Variants in HERC5 observed in about 807,000 individuals in gnomAD.
HERC5 encodes the protein HECT and RLD domain containing E3 ubiquitin protein ligase 5.
Under a neutral mutation model 119.6 loss-of-function variants are expected in HERC5, and 99 were observed. The ratio of observed to expected loss-of-function variants is 0.83; its 90% CI spans 0.70 to 0.98. The LOEUF is 0.98. HERC5 is among the 50% of genes least tolerant of loss of function. The probability of loss-of-function intolerance (pLI) is 0.00; values close to 1 mark genes in which losing one functional copy is unlikely to be tolerated. For synonymous variants in HERC5, 478 were observed against 445.9 expected (o/e 1.07, Z -0.91); for missense variants, 1,267 against 1,241.3 (o/e 1.02, Z -0.31).
chr4:88,463,949 T>A lies in HERC5; in HGVS notation c.875T>A (p.Leu292His). ...CTAAGACCCTGTTTGGTGGCTGAGCTTGTTGGGTATAGAGTGACTCAGATA... is the reference window on the plus strand; with the variant it reads ...CTAAGACCCTGTTTGGTGGCTGAGCATGTTGGGTATAGAGTGACTCAGATA... Reference protein sequence around the residue: ...NELRPCLVAELVGYRVTQIAC... With the variant: ...NELRPCLVAEHVGYRVTQIAC... Residue 292 changes from leucine (L) to histidine (H), a missense_variant, in exon 6 of 23, where the codon CTT becomes CAT. Leu to His is a moderately conservative substitution (Grantham distance 99, BLOSUM62 -3). Around this residue, in one of 3 missense-constraint regions of HERC5, gnomAD observed 777 missense variants for 758.0 expected, o/e 1.03. Transcript: ENST00000264350. 1 of 1,614,006 alleles carries A rather than the reference T, an allele frequency of 6.2e-7. No homozygotes were observed. Among genetic ancestry groups the A allele is most frequent in the Non-Finnish European group, 8.5e-7 (1 of 1,179,988 alleles).
intron 20 of HERC5, among the ~76,000 whole-genome samples, chr4:88,502,501 G>T (rs1203682579): frequency 2.0e-5 from 3 of 152,140 alleles, no homozygotes; most frequent in Admixed American, 1.3e-4. Context: ...GCATGCGTGG[G>T]GAAATTTAAG....
chr4:88,479,967 T>C (rs1317167334), intron 13 of HERC5, among the ~76,000 whole-genome samples: 2 of 149,834 alleles, frequency 1.3e-5, no homozygotes, highest in African/African-American at 4.9e-5. Context: ...CTCGGGAGGC[T>C]GAGGCAGGAG....
At chr4:88,484,440 G>A (rs1372474931) in intron 13 of HERC5, among the ~76,000 whole-genome samples, 1 of 152,206 alleles carries the variant, frequency 6.6e-6, no homozygotes, top group Admixed American at 6.5e-5. Context: ...CAGGCTCCTA[G>A]AGATACCACC....
At chr4:88,468,295 G>C in intron 7 of HERC5, 51 bp from the exon 8 acceptor site, 1 of 1,297,420 alleles carries the variant, frequency 7.7e-7, no homozygotes, top group Non-Finnish European at 1.1e-6. Context: ...GAACATGCAT[G>C]TTTGTGCCAA....
Position 88,464,057 on chromosome 4 carries a change from C to G in HERC5, c.911+72C>G, listed in dbSNP as rs140660520. On this transcript the variant is annotated intron_variant, in intron 6 of 22. Coordinates refer to ENST00000264350, the MANE Select transcript of HERC5 (RefSeq NM_016323.4). The stretch of plus-strand genomic sequence containing the variant: ...ACTAGATAGTAATTTAATAAAATTT[C>G]TTTCAGTTTCTTTGAGATGTATCAA... 4.7e-4 allele frequency: 620 copies of G among 1,322,074 alleles called. 1 individual carries two copies. In the African/African-American group the frequency reaches 8.3e-3, roughly 18 times the overall value. 81.9% of individuals were successfully genotyped at this position (1,322,074 alleles called of 1,614,324 possible).
intron 5 of HERC5, 63 bp downstream of exon 5, chr4:88,463,686 G>C: frequency 6.8e-7 from 1 of 1,462,594 alleles, no homozygotes; most frequent in Non-Finnish European, 9.5e-7. Context: ...TGGGAAGTTA[G>C]TGTTTCCCAG....
intron 18 of HERC5, among the ~76,000 whole-genome samples, chr4:88,499,311 G>C (rs1741884987): frequency 6.6e-6 from 1 of 152,182 alleles, no homozygotes; most frequent in Non-Finnish European, 1.5e-5. Flanking sequence ...GAGTGAATGA[G>C]CAAATACAAT....
In HERC5 at chr4:88,460,129, C is replaced by T; in HGVS notation, c.424C>T (p.Gln142Ter). The T allele has an allele frequency of 6.3e-7, 1 of 1,586,746 alleles. No homozygotes were observed. The highest frequency in any genetic ancestry group is 8.6e-7 in the Non-Finnish European group (1 of 1,158,282). Reference sequence around the variant, plus strand: ...CATTTTACAAGAAAAAAAAATAATTCAGATCACATGTGGAGATTACCATTC... The same window carrying T: ...CATTTTACAAGAAAAAAAAATAATTTAGATCACATGTGGAGATTACCATTC... The part of the protein sequence containing the change: ...ESILQEKKII[Q>*]ITCGDYHSLA... Residue 142 changes from glutamine (Q) to a stop codon, truncating the protein, a stop_gained, in exon 3 of 23, where the codon CAG becomes TAG. Coordinates refer to ENST00000264350, the MANE Select transcript of HERC5 (RefSeq NM_016323.4). LOFTEE classifies it high-confidence loss of function.
chr4:88,489,184 T>C lies in HERC5; in HGVS notation c.1981T>C (p.Tyr661His), dbSNP rs769444549. The change falls in exon 16 of 23, where the codon TAT (tyrosine) becomes CAT (histidine). Residue 661 changes from tyrosine (Y) to histidine (H), a missense_variant. By Grantham distance (83) the Tyr-to-His change is moderately conservative. This residue lies in a region of HERC5 where 473 missense variants were observed against 445.7 expected (regional missense o/e 1.06). Transcript: ENST00000264350. ...TTCCTAGAGTAAAAAACATAAAGCT[T>C]ATCTTAGGTCGGCAGCAATTGAGGA... The part of the protein sequence containing the change: ...LKIESKKHKA[Y>H]LRSAAIEEER... 2.5e-6 allele frequency: 4 copies of C among 1,611,478 alleles called. No homozygotes were observed. Among genetic ancestry groups the C allele is most frequent in the Non-Finnish European group, 3.4e-6 (4 of 1,179,262 alleles).
rs1054517776 is a variant in HERC5 at position 88,488,248 on chromosome 4, T to C, written c.1963-918T>C. Among the ~76,000 whole-genome samples the C allele has an allele frequency of 4.6e-5, 7 of 151,490 alleles. No individual in the cohort carries two copies. The South Asian group carries it at 6.3e-4, about 14-fold the overall frequency. ...ACTTTTTTTTTCTTTTTTTTTTTTT[T>C]TGAGAGAGAGTCTCCCTCTGTTGCC... is the stretch of plus-strand genomic sequence containing the variant. On this transcript the variant is annotated intron_variant, in intron 15 of 22. Coordinates refer to ENST00000264350, the MANE Select transcript of HERC5 (RefSeq NM_016323.4).
At chr4:88,487,421 C>T (rs987070205) in intron 15 of HERC5, among the ~76,000 whole-genome samples, 2 of 152,116 alleles carry the variant, frequency 1.3e-5, no homozygotes, top group African/African-American at 2.4e-5. Context: ...GCCTAGTTGT[C>T]GGGTTTTTAC....
chr4:88,476,412 C>G (rs983549869), intron 12 of HERC5, among the ~76,000 whole-genome samples: 2 of 152,116 alleles, frequency 1.3e-5, no homozygotes, highest in African/African-American at 2.4e-5. Context: ...GATGAGGATG[C>G]TAAGTTCTAA....
At chr4:88,505,600 TAG>T in intron 22 of HERC5, 71 bp from the exon 23 acceptor site, 1 of 856,452 alleles carries the variant, frequency 1.2e-6, no homozygotes, top group East Asian at 2.6e-5. Flanking sequence ...TGTGAATAAA[TAG>T]ATTTTTTTCT....
In HERC5 at chr4:88,469,198, T is replaced by C. The variant is rs775758969; in HGVS notation, c.1176T>C (p.Asn392=). 1.2e-6 allele frequency: 2 copies of C among 1,613,318 alleles called. No individual in the cohort carries two copies. Among genetic ancestry groups the C allele is most frequent in the Non-Finnish European group, 1.7e-6 (2 of 1,179,320 alleles). ...TGAAGAGGACAATTCCTACTCTGAA[T>C]GAAGGGACTGTAAAGAGATGGATTG... ...VNLKRTIPTL[N]EGTVKRWIAD... is the part of the protein sequence containing the mutation. Residue 392 remains asparagine (N), a synonymous_variant, in exon 9 of 23, where the codon AAT becomes AAC. Transcript: ENST00000264350.
chr4:88,457,349 A>G lies in HERC5; in HGVS notation c.80A>G (p.Lys27Arg), dbSNP rs780145799. 1.1e-5 allele frequency: 16 copies of G among 1,420,718 alleles called. No homozygotes were observed. The South Asian group carries it at 2.0e-4, about 18-fold the overall frequency. 88.0% of individuals were successfully genotyped at this position (1,420,718 alleles called of 1,614,324 possible). A position where few individuals can be genotyped will look rare whatever the true frequency, so the allele number is the denominator to read the frequency against. The change falls in exon 1 of 23, where the codon AAG (lysine) becomes AGG (arginine). Residue 27 changes from lysine to arginine, a missense_variant. Physicochemically the swap from Lys to Arg is conservative, Grantham distance 26 (BLOSUM62 2). Transcript: ENST00000264350. ...AGKAAATQPA[K>R]SPGAQLWLFP... Reference sequence around the variant, plus strand: ...AAGGCCGCCGCGACCCAGCCCGCGAAGTCTCCGGGCGCACAGCTCTGGCTC... The same window carrying G: ...AAGGCCGCCGCGACCCAGCCCGCGAGGTCTCCGGGCGCACAGCTCTGGCTC...
At chr4:88,463,297 G>A (rs1482900481) in intron 4 of HERC5, among the ~76,000 whole-genome samples, 1 of 152,238 alleles carries the variant, frequency 6.6e-6, no homozygotes, top group African/African-American at 2.4e-5. Flanking sequence ...CAGGCTTTGG[G>A]AAGTGGTTTG....
At chr4:88,462,474 A>AT in intron 4 of HERC5, 118 bp downstream of exon 4, 1 of 806,726 alleles carries the variant, frequency 1.2e-6, no homozygotes, top group Non-Finnish European at 2.0e-6. Flanking sequence ...GCTCTTCCTG[A>AT]TTACCTCTCT....
At position 88,489,230 on chromosome 4, in the gene HERC5, C is replaced by T. The variant is rs1311896711; in HGVS notation, c.2027C>T (p.Ala676Val). The change falls in exon 16 of 23, where the codon GCT becomes GTT. Residue 676 changes from alanine (A) to valine (V), a missense_variant. Around this residue, in one of 3 missense-constraint regions of HERC5, gnomAD observed 473 missense variants for 445.7 expected, o/e 1.06. Transcript: ENST00000264350. ...GAGGAAGAAAGAGAGTCTGAATTCG[C>T]TTTGAGGCCCACGTTTGATCTAACA... Reference protein sequence around the residue: ...AIEEERESEFALRPTFDLTVR... With the variant: ...AIEEERESEFVLRPTFDLTVR... 3 of 1,613,754 alleles carry T rather than the reference C, an allele frequency of 1.9e-6. No individual in the cohort carries two copies. The highest frequency in any genetic ancestry group is 1.7e-6 in the Non-Finnish European group (2 of 1,179,890).
rs750381278 is a variant in HERC5 at position 88,460,113 on chromosome 4, A to G, written c.408A>G (p.Gln136=). 3.8e-6 allele frequency: 6 copies of G among 1,579,144 alleles called. No homozygotes were observed. The highest frequency in any genetic ancestry group is 4.3e-6 in the Non-Finnish European group (5 of 1,150,872). The part of the protein sequence containing the change: ...MKHLRFESIL[Q]EKKIIQITCG... ...TCATCAGGTTTGAAAGCATTTTACA[A>G]GAAAAAAAAATAATTCAGATCACAT... Residue 136 remains glutamine, a synonymous_variant, in exon 3 of 23, where the codon CAA becomes CAG. Coordinates refer to ENST00000264350, the MANE Select transcript of HERC5 (RefSeq NM_016323.4).
Sources: allele counts gnomAD v4.1 joint callset (sites outside exome capture counted in the v4.1 genomes callset), GRCh38; gene constraint gnomAD v4.1.1; regional missense constraint gnomAD v4.1.1; transcripts MANE v1.5; gene names NCBI Gene and HGNC (gene_info 2026-07-23, HGNC 2026-07-21).